ATP6V1C2: variants seen among roughly 807,000 people sequenced by gnomAD.
ATP6V1C2 encodes the protein ATPase H+ transporting V1 subunit C2, also known as V-type proton ATPase subunit C 2.
In ATP6V1C2, 45 loss-of-function variants were observed where a neutral mutation model predicts 56.8. The observed-to-expected ratio is 0.79, with a 90% CI of 0.62 to 1.02. The LOEUF is 1.02. ATP6V1C2 is among the 50% of genes least tolerant of loss of function. The pLI is 0.00. For synonymous variants in ATP6V1C2, 220 were observed against 201.3 expected, an observed-to-expected ratio of 1.09 and a Z score of -0.79; for missense variants, 463 against 519.7, an observed-to-expected ratio of 0.89 and a Z score of 1.06.
intron 13 of ATP6V1C2, 46 bp downstream of exon 13, chr2:10,782,421 T>G (rs1665421359): frequency 6.3e-7 from 1 of 1,599,990 alleles, no homozygotes; most frequent in African/African-American, 1.3e-5. Flanking sequence ...GCTCAGCATC[T>G]TACTTTCAAA....
At chr2:10,768,839 C>T (rs776343234) in intron 6 of ATP6V1C2, 29 bp downstream of exon 6, 42 of 1,591,208 alleles carry the variant, frequency 2.6e-5, no homozygotes, top group African/African-American at 4.0e-5. Context: ...CCACATCTGG[C>T]GGGGGCAGGT....
chr2:10,749,635 TCTTG>T (rs1399066869), intron 3 of ATP6V1C2, among the ~76,000 whole-genome samples: 1 of 152,206 alleles, frequency 6.6e-6, no homozygotes, highest in Non-Finnish European at 1.5e-5. Flanking sequence ...GGTAGTTTAG[TCTTG>T]CTTGTTAAAA....
chr2:10,752,275 G>C (rs2046792), intron 3 of ATP6V1C2, among the ~76,000 whole-genome samples: 150,726 of 152,320 alleles, frequency 0.99, 74,588 homozygotes, highest in East Asian at 1. Context: ...TGCTACCTCT[G>C]CCTCCTTCCT....
At chr2:10,722,590 C>A (rs1384560832) in intron 1 of ATP6V1C2, among the ~76,000 whole-genome samples, 4 of 152,184 alleles carry the variant, frequency 2.6e-5, no homozygotes, top group Non-Finnish European at 5.9e-5. Flanking sequence ...CCTCTCCCTC[C>A]TCCTCTGCTC....
intron 3 of ATP6V1C2, among the ~76,000 whole-genome samples, chr2:10,733,541 C>CT (rs1316971266): frequency 1.3e-5 from 2 of 151,466 alleles, no homozygotes; most frequent in African/African-American, 4.9e-5. Context: ...CTTTCTCTCT[C>CT]TTTTTTTAAT....
intron 10 of ATP6V1C2, among the ~76,000 whole-genome samples, chr2:10,776,118 C>T (rs1664952861): frequency 6.6e-6 from 1 of 151,378 alleles, no homozygotes; most frequent in Admixed American, 6.6e-5. Context: ...CAAGCGAGCC[C>T]AGCCACGGAG....
chr2:10,726,279 A>G (rs1661635714), intron 2 of ATP6V1C2, among the ~76,000 whole-genome samples: 2 of 152,220 alleles, frequency 1.3e-5, no homozygotes, highest in Non-Finnish European at 2.9e-5. Context: ...ACTCCTTCCT[A>G]TGGCAGGCAT....
At chr2:10,724,834 G>A (rs1661553158) in intron 2 of ATP6V1C2, among the ~76,000 whole-genome samples, 1 of 151,980 alleles carries the variant, frequency 6.6e-6, no homozygotes, top group South Asian at 2.1e-4. Flanking sequence ...CACCATGCCT[G>A]GCTAGTTTTT....
chr2:10,722,339 A>C (rs761528398), intron 1 of ATP6V1C2, among the ~76,000 whole-genome samples: 1 of 151,882 alleles, frequency 6.6e-6, no homozygotes, highest in Non-Finnish European at 1.5e-5. Flanking sequence ...TCTGAAGTCT[A>C]TTTTTAAAGC....
chr2:10,746,011 T>C (rs886894179), intron 3 of ATP6V1C2, among the ~76,000 whole-genome samples: 1 of 152,206 alleles, frequency 6.6e-6, no homozygotes, highest in Non-Finnish European at 1.5e-5. Context: ...ACTCAGCTAT[T>C]GATGGATGCT....
chr2:10,726,483 G>A lies in ATP6V1C2; in HGVS notation c.130-19G>A, dbSNP rs775207898. ...GGCCAGAAACCTGTGAGCCTCTGAC[G>A]TTTTTATGATCTGTCTAGGTGGGGA... On this transcript the variant is annotated intron_variant, in intron 2 of 13. Coordinates refer to ENST00000272238, the MANE Select transcript of ATP6V1C2 (RefSeq NM_001039362.2). 1.9e-5 allele frequency: 30 copies of A among 1,611,122 alleles called. No individual in the cohort carries two copies. Among genetic ancestry groups the A allele is most frequent in the Admixed American group, 1.7e-4 (10 of 59,980 alleles).
At chr2:10,753,500 G>C (rs1663337688) in intron 3 of ATP6V1C2, among the ~76,000 whole-genome samples, 1 of 151,516 alleles carries the variant, frequency 6.6e-6, no homozygotes, top group Admixed American at 6.6e-5. Context: ...TAGCTTCCCA[G>C]AAGTGGAATT....
At chr2:10,754,117 G>A (rs771511461) in intron 4 of ATP6V1C2, 51 bp downstream of exon 4, 3 of 1,487,968 alleles carry the variant, frequency 2.0e-6, no homozygotes, top group Non-Finnish European at 2.8e-6. Flanking sequence ...GCTCCCTCTA[G>A]ACCAGAGTCG....
chr2:10,752,365 G>C (rs1040540289), intron 3 of ATP6V1C2, among the ~76,000 whole-genome samples: 2 of 152,108 alleles, frequency 1.3e-5, no homozygotes, highest in Non-Finnish European at 2.9e-5. Flanking sequence ...GGTCTGAGTG[G>C]CTGGGGTGGC....
At chr2:10,736,717 A>G (rs1184902315) in intron 3 of ATP6V1C2, among the ~76,000 whole-genome samples, 1 of 151,556 alleles carries the variant, frequency 6.6e-6, no homozygotes, top group East Asian at 1.9e-4. Context: ...CTGTAATGCT[A>G]ACAGCAATGA....
Position 10,771,650 on chromosome 2 carries a change from C to G in ATP6V1C2, c.471-189C>G, listed in dbSNP as rs553617927. On this transcript the variant is annotated intron_variant, in intron 6 of 13. Transcript: ENST00000272238. ...GGAGGCAGCAGCTGTGGCCCCAGCA[C>G]AGAGCCTGGCCCTGGGGTTGTGGGG... is the stretch of plus-strand genomic sequence containing the variant. Among the ~76,000 whole-genome samples the G allele has an allele frequency of 9.2e-5, 14 of 152,346 alleles. No individual in the cohort carries two copies. The South Asian group carries it at 2.7e-3, about 29-fold the overall frequency.
At chr2:10,721,196 C>T (rs1661337949), upstream of ATP6V1C2, among the ~76,000 whole-genome samples, 1 of 152,176 alleles carries the variant, frequency 6.6e-6, no homozygotes, top group Non-Finnish European at 1.5e-5. Flanking sequence ...GTCTCTTGCA[C>T]TGGCCTGGAG....
rs1176388502 is a variant in ATP6V1C2, at chr2:10,768,803, A to G, written c.463A>G (p.Lys155Glu). The G allele has an allele frequency of 6.2e-7, 1 of 1,613,756 alleles. No individual in the cohort carries two copies. Among genetic ancestry groups the G allele is most frequent in the African/African-American group, 1.3e-5 (1 of 75,038 alleles). Reference sequence around the variant, plus strand: ...GACAAACCTGGAGAACCTGGAAAAGAAATCCATGTGTGTATTTGCCAGCCT... The same window carrying G: ...GACAAACCTGGAGAACCTGGAAAAGGAATCCATGTGTGTATTTGCCAGCCT... ...LKTNLENLEKKSMGNLFTRTL... is the reference protein window; with the variant it reads ...LKTNLENLEKESMGNLFTRTL... The change falls in exon 6 of 14, where the codon AAA (lysine) becomes GAA (glutamate). Residue 155 changes from lysine to glutamate, a missense_variant. Physicochemically the swap from Lys to Glu is moderately conservative, Grantham distance 56 (BLOSUM62 1). Coordinates refer to ENST00000272238, the MANE Select transcript of ATP6V1C2 (RefSeq NM_001039362.2).
chr2:10,759,236 C>T (rs142870943), intron 4 of ATP6V1C2, among the ~76,000 whole-genome samples: 4 of 152,320 alleles, frequency 2.6e-5, no homozygotes, highest in Middle Eastern at 3.4e-3. Context: ...TCGTCAGGAC[C>T]GGTTGTTTCT....
Sources: gnomAD v4.1 joint callset for allele counts (sites outside exome capture counted in the v4.1 genomes callset) on GRCh38, gnomAD v4.1.1 for gene constraint, MANE v1.5 for transcripts, NCBI Gene and HGNC (gene_info 2026-07-23, HGNC 2026-07-21) for gene names.